EVC2: variants seen among roughly 807,000 people sequenced by gnomAD.
EVC2 encodes the protein EvC ciliary complex subunit 2, also known as limbin.
EVC2 carries 148 observed loss-of-function variants against 149.3 expected under a neutral mutation model. That is an observed-to-expected ratio of 0.99 (90% CI 0.87 to 1.14). The LOEUF (loss-of-function observed/expected upper bound fraction) is 1.14. EVC2 is among the 50% of genes most tolerant of loss of function. EVC2 has a pLI of 0.00. For synonymous variants in EVC2, 776 were observed against 649.9 expected (o/e 1.19, Z -2.95); for missense variants, 1,854 against 1,627.3 (o/e 1.14, Z -2.40).
chr4:5,556,253 C>T (rs1001228771), intron 21 of EVC2, among the ~76,000 whole-genome samples: 1 of 145,462 alleles, frequency 6.9e-6, no homozygotes, highest in Admixed American at 6.9e-5. Context: ...GCTCTCAGAT[C>T]ACCATAGAAT....
In EVC2 at chr4:5,618,405, G is replaced by C; in HGVS notation, c.2706+73C>G. ...GAGATGGGCTCAGGCTGGGGAAGAG[G>C]CCAGACCCTGTAGGGCCAGCAGCTG... On this transcript the variant is annotated intron_variant, in intron 15 of 21. Coordinates refer to ENST00000344408, the MANE Select transcript of EVC2 (RefSeq NM_147127.5). This position sits in a 1 kb window ranked among gnomAD's most constrained non-coding sequence, Gnocchi z 4.4. 6.4e-7 allele frequency: 1 copy of C among 1,572,626 alleles called. No homozygotes were observed. The highest frequency in any genetic ancestry group is 8.7e-7 in the Non-Finnish European group (1 of 1,146,844).
chr4:5,688,036 T>C (rs1009671581), intron 5 of EVC2, among the ~76,000 whole-genome samples: 2 of 152,200 alleles, frequency 1.3e-5, no homozygotes, highest in African/African-American at 4.8e-5. Context: ...CTCCATGCTT[T>C]GAACACGAGT....
chr4:5,607,632 G>T (rs754422558), intron 16 of EVC2, among the ~76,000 whole-genome samples: 2 of 152,016 alleles, frequency 1.3e-5, no homozygotes, highest in African/African-American at 4.8e-5. Context: ...CATATTTGTC[G>T]GTCTCTCCTT....
At chr4:5,563,698 G>T (rs1200501899) in intron 21 of EVC2, among the ~76,000 whole-genome samples, 1 of 152,032 alleles carries the variant, frequency 6.6e-6, no homozygotes, top group Non-Finnish European at 1.5e-5. Flanking sequence ...CATCAGATCA[G>T]CCATGGTGGG....
At chr4:5,595,844 C>T (rs1208001389) in intron 16 of EVC2, among the ~76,000 whole-genome samples, 1 of 152,144 alleles carries the variant, frequency 6.6e-6, no homozygotes, top group African/African-American at 2.4e-5. Context: ...CAGAGACACA[C>T]ATAGGCTCAA....
chr4:5,593,658 T>C (rs1242513758), intron 16 of EVC2, among the ~76,000 whole-genome samples: 1 of 152,110 alleles, frequency 6.6e-6, no homozygotes, highest in Non-Finnish European at 1.5e-5. Context: ...AGATGGGTGA[T>C]TTCTGCATTT....
At chr4:5,597,496 G>A (rs1389110175) in intron 16 of EVC2, among the ~76,000 whole-genome samples, 1 of 150,660 alleles carries the variant, frequency 6.6e-6, no homozygotes, top group Non-Finnish European at 1.5e-5. Context: ...ATGCAGAAAA[G>A]GCCTTTGACA....
chr4:5,705,343 C>T (rs1436092571), intron 1 of EVC2, among the ~76,000 whole-genome samples: 10 of 152,192 alleles, frequency 6.6e-5, no homozygotes, highest in African/African-American at 2.2e-4. Flanking sequence ...CTACTGAGCA[C>T]TGATTTCTCA....
In EVC2 at chr4:5,543,241, C is replaced by T. The variant is rs930245511; in HGVS notation, c.3420-29G>A. On this transcript the variant is annotated intron_variant and NMD_transcript_variant, in intron 21 of 22. Transcript: ENST00000475313. ...GAACAGGATACAATCCTGGTCTAAC[C>T]AAAGTCTCTCCCATCCCTACCCACA... The T allele has an allele frequency of 2.3e-6, 3 of 1,283,086 alleles. No individual in the cohort carries two copies. The African/African-American group carries it at 4.6e-5, about 20-fold the overall frequency. The allele number at this position is 1,283,086 out of a possible 1,614,324, so 79.5% of individuals were successfully genotyped here.
In EVC2 at chr4:5,618,538, A is replaced by T; in HGVS notation, c.2646T>A (p.Thr882=). The T allele has an allele frequency of 6.2e-7, 1 of 1,614,154 alleles. No homozygotes were observed. Among genetic ancestry groups the T allele is most frequent in the East Asian group, 2.2e-5 (1 of 44,878 alleles). The change falls in exon 15 of 22, where the codon ACT becomes ACA. Residue 882 remains threonine (T), a synonymous_variant. Transcript: ENST00000344408. This position sits in a 1 kb window ranked among gnomAD's most constrained non-coding sequence, Gnocchi z 4.4. ...RARVLLQQFQ[T]AWREAEFVKL... ...TCACGAACTCTGCTTCTCGCCACGC[A>T]GTCTGAAATTGCTGCAGCAGAACTC...
chr4:5,550,985 C>A (rs371830755), intron 21 of EVC2, among the ~76,000 whole-genome samples: 2 of 152,338 alleles, frequency 1.3e-5, no homozygotes, highest in African/African-American at 4.8e-5. Flanking sequence ...GTTTGGGAAC[C>A]TCTGCCTAGA....
At chr4:5,610,395 T>C (rs1714720491) in intron 16 of EVC2, among the ~76,000 whole-genome samples, 1 of 152,158 alleles carries the variant, frequency 6.6e-6, no homozygotes, top group Non-Finnish European at 1.5e-5. Context: ...GGGAGGTAAG[T>C]TCTTCAATCA....
chr4:5,620,511 C>T (rs115124653), intron 14 of EVC2, among the ~76,000 whole-genome samples: 1,745 of 152,262 alleles, frequency 0.011, 35 homozygotes, highest in African/African-American at 0.04. Flanking sequence ...TATAGTAACC[C>T]TATCTTGGTT....
chr4:5,703,716 A>G (rs956978830), intron 1 of EVC2, among the ~76,000 whole-genome samples: 1 of 152,238 alleles, frequency 6.6e-6, no homozygotes, highest in Non-Finnish European at 1.5e-5. Flanking sequence ...CTCTCAGAAC[A>G]CTATTTAGGA....
intron 1 of EVC2, 60 bp downstream of exon 1, chr4:5,708,226 G>T: frequency 7.3e-7 from 1 of 1,374,034 alleles, no homozygotes; most frequent in South Asian, 1.5e-5. Flanking sequence ...TGCCACCGCC[G>T]GTGTAGACAA....
chr4:5,545,310 G>A (rs1721593862), intron 21 of EVC2, among the ~76,000 whole-genome samples: 1 of 152,174 alleles, frequency 6.6e-6, no homozygotes, highest in African/African-American at 2.4e-5. Context: ...TTTCAGGCCA[G>A]GGAAGTCAGT....
intron 21 of EVC2, among the ~76,000 whole-genome samples, chr4:5,548,850 T>C (rs1288549082): frequency 6.6e-6 from 1 of 152,186 alleles, no homozygotes; most frequent in African/African-American, 2.4e-5. Context: ...CACCTGTAGA[T>C]GACCCTCCAG....
At position 5,613,351 on chromosome 4, in the gene EVC2, A is replaced by G. The variant is rs1714999345; in HGVS notation, c.2829+2071T>C. On this transcript the variant is annotated intron_variant, in intron 16 of 21. Transcript: ENST00000344408. This position sits in a 1 kb window ranked among gnomAD's most constrained non-coding sequence, Gnocchi z 4.6. ...AACCAAACCCCAGCTTTCCCTTCAC[A>G]AGCAGCTCTTCTCCGACAACAGTCA... Among the ~76,000 whole-genome samples the G allele has an allele frequency of 6.6e-6, 1 of 152,002 alleles. No homozygotes were observed. The highest frequency in any genetic ancestry group is 2.4e-5 in the African/African-American group (1 of 41,372).
chr4:5,693,495 G>T (rs1333158674), intron 3 of EVC2, among the ~76,000 whole-genome samples: 1 of 152,232 alleles, frequency 6.6e-6, no homozygotes, highest in East Asian at 1.9e-4. Context: ...GCCAAGGATG[G>T]CCTGGAGCCA....
Sources: allele counts gnomAD v4.1 joint callset (sites outside exome capture counted in the v4.1 genomes callset), GRCh38; gene constraint gnomAD v4.1.1; non-coding constraint Gnocchi (gnomAD v3.1); transcripts MANE v1.5; gene names NCBI Gene and HGNC (gene_info 2026-07-23, HGNC 2026-07-21).